CCDC178: variants seen among roughly 807,000 people sequenced by gnomAD.
CCDC178 encodes the protein coiled-coil domain-containing protein 178.
In CCDC178, 126 loss-of-function variants were observed where a neutral mutation model predicts 117.4. The observed-to-expected ratio is 1.07, with a 90% CI of 0.93 to 1.24. The LOEUF (loss-of-function observed/expected upper bound fraction) is 1.24. Ranked by LOEUF, CCDC178 falls within the 50% of genes most tolerant of loss-of-function variation. The pLI is 0.00. For missense variants in CCDC178, 1,030 were observed against 986.9 expected (o/e 1.04, Z -0.59); for synonymous variants, 283 against 313.4 (o/e 0.90, Z 1.02).
chr18:33,099,834 T>C (rs2057598172), intron 20 of CCDC178, among the ~76,000 whole-genome samples: 1 of 152,032 alleles, frequency 6.6e-6, no homozygotes, highest in Non-Finnish European at 1.5e-5. Flanking sequence ...CACTTCCTTG[T>C]CTGTGCTGCC....
chr18:33,342,436 T>C lies in CCDC178; in HGVS notation c.658+3775A>G, dbSNP rs147759326. ...GGGATAGAGATAATTTCTTATCATA[T>C]AGATTCTTGTTTTGGATGTGATACT... On this transcript the variant is annotated intron_variant, in intron 9 of 22. Transcript: ENST00000383096. Among the ~76,000 whole-genome samples the C allele has an allele frequency of 1.5e-3, 235 of 152,330 alleles. 1 individual carries two copies. The highest frequency in any genetic ancestry group is 5.5e-3 in the African/African-American group (228 of 41,572).
chr18:33,179,094 T>TATATATAAA (rs1381289559), intron 20 of CCDC178, among the ~76,000 whole-genome samples: 1 of 105,298 alleles, frequency 9.5e-6, no homozygotes, highest in Admixed American at 9.9e-5. Flanking sequence ...TATATATATA[T>TATATATAAA]ATATATATAT....
intron 20 of CCDC178, among the ~76,000 whole-genome samples, chr18:33,156,082 C>CTTTTTT (rs755685926): frequency 1.8e-4 from 18 of 98,038 alleles, no homozygotes; most frequent in East Asian, 7.2e-4. Context: ...CTAGAAAACA[C>CTTTTTT]TTTTTTTTTT....
At chr18:32,956,489 C>T (rs1252574802) in intron 22 of CCDC178, 2 of 152,126 alleles carry the variant, frequency 1.3e-5, no homozygotes, top group Admixed American at 6.5e-5. Flanking sequence ...AGGTTTACTA[C>T]AGAAAAATCA....
At chr18:33,124,585 C>T (rs1378109381) in intron 20 of CCDC178, among the ~76,000 whole-genome samples, 2 of 152,118 alleles carry the variant, frequency 1.3e-5, no homozygotes, top group African/African-American at 4.8e-5. Context: ...CTAGCTTTTT[C>T]CCTTTTTAAT....
chr18:33,142,319 G>A (rs1037879598), intron 20 of CCDC178, among the ~76,000 whole-genome samples: 16 of 152,130 alleles, frequency 1.1e-4, no homozygotes, highest in African/African-American at 3.1e-4. Flanking sequence ...ATGAGGGATC[G>A]CCATACTGCA....
intron 6 of CCDC178, among the ~76,000 whole-genome samples, chr18:33,357,893 T>G (rs990587673): frequency 6.6e-6 from 1 of 151,936 alleles, no homozygotes; most frequent in African/African-American, 2.4e-5. Context: ...TATATAGTCA[T>G]GTGTCACTAA....
At chr18:33,112,977 C>A (rs973032168) in intron 20 of CCDC178, among the ~76,000 whole-genome samples, 2 of 151,900 alleles carry the variant, frequency 1.3e-5, no homozygotes, top group Non-Finnish European at 2.9e-5. Flanking sequence ...CTCATAAAAA[C>A]CAAAGATATT....
chr18:33,001,089 A>T (rs1004897662), intron 21 of CCDC178, among the ~76,000 whole-genome samples: 10 of 152,212 alleles, frequency 6.6e-5, no homozygotes, highest in Non-Finnish European at 1.3e-4. Flanking sequence ...TTAAAGTGGA[A>T]TTTTTATTAG....
intron 20 of CCDC178, among the ~76,000 whole-genome samples, chr18:33,162,495 T>G (rs894022973): frequency 6.6e-6 from 1 of 152,176 alleles, no homozygotes; most frequent in African/African-American, 2.4e-5. Context: ...GGTAAACTCA[T>G]GTCACAGAGG....
chr18:33,346,192 T>TA lies in CCDC178; in HGVS notation c.658+18dup. 1 of 1,559,968 alleles carries TA rather than the reference T, an allele frequency of 6.4e-7. No individual in the cohort carries two copies. On this transcript the variant is annotated intron_variant, in intron 9 of 22. Coordinates refer to ENST00000383096, the MANE Select transcript of CCDC178 (RefSeq NM_001105528.4). ...GCCCCCAACAGAATAAGAAGTAATA[T>TA]AAAAATCCCTATTATTACCTTTCTG... is the stretch of plus-strand genomic sequence containing the variant.
intron 20 of CCDC178, among the ~76,000 whole-genome samples, chr18:33,109,109 T>A (rs2057746078): frequency 6.6e-6 from 1 of 151,684 alleles, no homozygotes; most frequent in Non-Finnish European, 1.5e-5. Context: ...ATAAGTAAGA[T>A]TCAAGTATGA....
At chr18:33,117,229 G>T (rs994643540) in intron 20 of CCDC178, among the ~76,000 whole-genome samples, 2 of 152,038 alleles carry the variant, frequency 1.3e-5, no homozygotes, top group Non-Finnish European at 2.9e-5. Flanking sequence ...AAATCAAGTG[G>T]GTAAGATGGT....
intron 4 of CCDC178, among the ~76,000 whole-genome samples, chr18:33,396,936 A>C (rs1213434534): frequency 6.6e-6 from 1 of 152,202 alleles, no homozygotes; most frequent in Non-Finnish European, 1.5e-5. Flanking sequence ...ATTCAAAACG[A>C]AAAAGGAAAC....
At chr18:33,291,213 A>G (rs1479001537) in intron 12 of CCDC178, among the ~76,000 whole-genome samples, 2 of 152,160 alleles carry the variant, frequency 1.3e-5, no homozygotes, top group East Asian at 3.8e-4. Context: ...AGGAAAATGC[A>G]CAAAGGAATG....
intron 5 of CCDC178, among the ~76,000 whole-genome samples, chr18:33,375,112 T>C (rs925837400): frequency 6.6e-6 from 1 of 152,204 alleles, no homozygotes; most frequent in Non-Finnish European, 1.5e-5. Flanking sequence ...ATTTAAATTG[T>C]ACCTCCATAT....
chr18:32,983,144 A>G (rs74667054), intron 21 of CCDC178: 24,052 of 508,016 alleles, frequency 0.047, 861 homozygotes, highest in Non-Finnish European at 0.062. Flanking sequence ...AATCTAAAAA[A>G]AAAAAAACCA....
At chr18:33,179,084 T>A (rs1171686220) in intron 20 of CCDC178, among the ~76,000 whole-genome samples, 2,777 of 77,598 alleles carry the variant, frequency 0.036, 285 homozygotes, top group African/African-American at 0.058. Context: ...AAAAAATATA[T>A]ATATATATAT....
chr18:33,096,885 G>A (rs1219854263), intron 20 of CCDC178, among the ~76,000 whole-genome samples: 2 of 152,072 alleles, frequency 1.3e-5, no homozygotes, highest in Non-Finnish European at 2.9e-5. Context: ...TGCTAGGAAT[G>A]CAGTATTTAC....
Sources: allele counts gnomAD v4.1 joint callset (sites outside exome capture counted in the v4.1 genomes callset), GRCh38; gene constraint gnomAD v4.1.1; transcripts MANE v1.5; gene names NCBI Gene and HGNC (gene_info 2026-07-23, HGNC 2026-07-21).